SYTL5: variants seen among roughly 807,000 people sequenced by gnomAD.
SYTL5 encodes synaptotagmin like 5.
Under a neutral mutation model 55.9 loss-of-function variants are expected in SYTL5, and 34 were observed. The ratio of observed to expected loss-of-function variants is 0.61; its 90% confidence interval spans 0.46 to 0.81. SYTL5 has a LOEUF of 0.81. Ranked by LOEUF, SYTL5 falls within the 30% of genes least tolerant of loss-of-function variation. The pLI, the probability that SYTL5 is intolerant of heterozygous loss-of-function variation, is 0.00. For synonymous variants in SYTL5, 221 were observed against 188.7 expected (o/e 1.17, Z -1.40); for missense variants, 637 against 546.7 (o/e 1.17, Z -1.65).
chrX:38,124,561 C>G (rs1282605134), intron 15 of SYTL5, among the ~76,000 whole-genome samples: 1 of 111,643 alleles, frequency 9.0e-6, no homozygotes, highest in African/African-American at 3.3e-5. Flanking sequence ...TGACCATAGT[C>G]GAGAAAACCT....
chrX:38,051,959 A>G (rs1488571704), intron 2 of SYTL5, among the ~76,000 whole-genome samples: 1 of 111,656 alleles, frequency 9.0e-6, no homozygotes, highest in African/African-American at 3.3e-5. Context: ...ATGGATAATG[A>G]GAAAGTGATG....
the SYTL5 span, among the ~76,000 whole-genome samples, chrX:37,894,139 T>C: frequency 8.9e-6 from 1 of 111,835 alleles, no homozygotes; most frequent in African/African-American, 3.2e-5. Flanking sequence ...TTCATTCCTT[T>C]CAATTACTGT....
At chrX:38,093,632 A>C (rs1051983228) in intron 7 of SYTL5, among the ~76,000 whole-genome samples, 1 of 111,644 alleles carries the variant, frequency 9.0e-6, no homozygotes, top group African/African-American at 3.3e-5. Context: ...CAAGTCCCAG[A>C]CTGAATTCTA....
the SYTL5 span, among the ~76,000 whole-genome samples, chrX:37,948,308 A>C: frequency 9.0e-6 from 1 of 110,772 alleles, no homozygotes; most frequent in Non-Finnish European, 1.9e-5. Flanking sequence ...TTGTTCTAGA[A>C]TTTAAAGTCC....
At chrX:38,065,214 A>G (rs984436979) in intron 3 of SYTL5, among the ~76,000 whole-genome samples, 1 of 111,910 alleles carries the variant, frequency 8.9e-6, no homozygotes, top group Non-Finnish European at 1.9e-5. Flanking sequence ...TTCTTATTGT[A>G]TAATCCAACA....
the SYTL5 span, among the ~76,000 whole-genome samples, chrX:37,986,018 A>G: frequency 5.4e-5 from 6 of 111,805 alleles, no homozygotes; most frequent in South Asian, 1.9e-3. Context: ...CTCAAAATGA[A>G]TCAAAGAACT....
chrX:37,944,416 A>G, the SYTL5 span, among the ~76,000 whole-genome samples: 2 of 111,744 alleles, frequency 1.8e-5, no homozygotes, highest in Admixed American at 9.5e-5. Context: ...AAAGAAATCT[A>G]TTACATTAGC....
In SYTL5 at chrX:38,110,413, A is replaced by G. The variant is rs150324336; in HGVS notation, c.1527A>G (p.Glu509=). Residue 509 remains glutamate (E), a synonymous_variant, in exon 13 of 17, where the codon GAA becomes GAG. Transcript: ENST00000297875. ...DRFGRNSFLG[E]VEIPFDSWNF... is the part of the protein sequence containing the mutation. ...TTGGACGTAATAGCTTCCTCGGGGAAGTAGAGATTCCTTTTGACTCATGGA... is the reference window on the plus strand; with the variant it reads ...TTGGACGTAATAGCTTCCTCGGGGAGGTAGAGATTCCTTTTGACTCATGGA... 2.6e-5 allele frequency: 31 copies of G among 1,207,339 alleles called. No homozygotes were observed. The highest frequency in any genetic ancestry group is 3.0e-5 in the Non-Finnish European group (27 of 893,486).
At chrX:37,993,058 C>T in the SYTL5 span, among the ~76,000 whole-genome samples, 1 of 111,253 alleles carries the variant, frequency 9.0e-6, no homozygotes, top group Non-Finnish European at 1.9e-5. Context: ...TTGATTTGAG[C>T]TATAAATAGA....
At chrX:37,977,649 G>T in the SYTL5 span, among the ~76,000 whole-genome samples, 1 of 106,841 alleles carries the variant, frequency 9.4e-6, no homozygotes, top group Non-Finnish European at 1.9e-5. Context: ...CCACCTTAAA[G>T]ATACAGGATG....
At position 38,126,968 on chromosome X, in the gene SYTL5, C is replaced by T. The variant is rs1937670279; in HGVS notation, c.*238C>T. Reference sequence around the variant, plus strand: ...GGATGATAGAAAGTGTACTACTTGTCCTGTCAACAAGCAAATTGTGCAAAG... The same window carrying T: ...GGATGATAGAAAGTGTACTACTTGTTCTGTCAACAAGCAAATTGTGCAAAG... On this transcript the variant is annotated 3_prime_UTR_variant, in exon 17 of 17. Coordinates refer to ENST00000297875, the MANE Select transcript of SYTL5 (RefSeq NM_138780.3). 2 of 339,289 alleles carry T rather than the reference C, an allele frequency of 5.9e-6. No individual in the cohort carries two copies. The highest frequency in any genetic ancestry group is 2.6e-5 in the African/African-American group (1 of 38,511). 28.0% of individuals were successfully genotyped at this position (339,289 alleles called of 1,213,427 possible).
At chrX:38,093,190 A>T (rs1936842724) in intron 7 of SYTL5, among the ~76,000 whole-genome samples, 1 of 112,170 alleles carries the variant, frequency 8.9e-6, no homozygotes, top group Non-Finnish European at 1.9e-5. Context: ...GAATAATAAG[A>T]TACTAAAAAC....
At chrX:37,965,466 A>G in the SYTL5 span, among the ~76,000 whole-genome samples, 3 of 111,741 alleles carry the variant, frequency 2.7e-5, no homozygotes, top group African/African-American at 6.5e-5. Context: ...TTATGGTTAG[A>G]AAAGATATTT....
chrX:37,941,274 G>A, the SYTL5 span, among the ~76,000 whole-genome samples: 2 of 111,765 alleles, frequency 1.8e-5, no homozygotes, highest in African/African-American at 3.3e-5. Flanking sequence ...AGCTTGTGCA[G>A]GGACAATCCC....
chrX:37,964,565 G>A, the SYTL5 span, among the ~76,000 whole-genome samples: 1 of 110,345 alleles, frequency 9.1e-6, no homozygotes, highest in Admixed American at 9.7e-5. Flanking sequence ...TTTCCTTTAG[G>A]TATCTTTGGT....
intron 3 of SYTL5, among the ~76,000 whole-genome samples, chrX:38,069,371 T>C (rs758147059): frequency 1.8e-5 from 2 of 112,030 alleles, no homozygotes; most frequent in South Asian, 7.5e-4. Flanking sequence ...GCTAGTTGAG[T>C]TCTTTTTTCT....
At chrX:37,947,349 C>T in the SYTL5 span, among the ~76,000 whole-genome samples, 5 of 111,378 alleles carry the variant, frequency 4.5e-5, no homozygotes, top group East Asian at 2.8e-4. Flanking sequence ...TGGATCATGG[C>T]GGAAGTTTCC....
intron 2 of SYTL5, among the ~76,000 whole-genome samples, chrX:38,053,392 T>A (rs1368051434): frequency 8.9e-6 from 1 of 112,817 alleles, no homozygotes; most frequent in Non-Finnish European, 1.9e-5. Context: ...ATTATTACTC[T>A]CATTTTAGAA....
chrX:38,108,143 C>A (rs1569189319), intron 11 of SYTL5, among the ~76,000 whole-genome samples: 1 of 112,210 alleles, frequency 8.9e-6, no homozygotes, highest in Admixed American at 9.4e-5. Context: ...AGCATCTAAT[C>A]CCAGAAAAAT....
Sources: allele counts gnomAD v4.1 joint callset (sites outside exome capture counted in the v4.1 genomes callset), GRCh38; gene constraint gnomAD v4.1.1; transcripts MANE v1.5; gene names NCBI Gene and HGNC (gene_info 2026-07-23, HGNC 2026-07-21).